THSD7A: variants seen among roughly 807,000 people sequenced by gnomAD.
THSD7A encodes thrombospondin type-1 domain-containing protein 7A.
Under a neutral mutation model 231.3 loss-of-function variants are expected in THSD7A, and 96 were observed. The observed-to-expected ratio is 0.41, with a 90% CI of 0.35 to 0.49. The LOEUF is 0.49. Among genes scored for constraint, THSD7A ranks in the 20% least tolerant of loss-of-function variants. THSD7A has a pLI of 0.05. For missense variants in THSD7A, 2,290 were observed against 2,070.2 expected, an observed-to-expected ratio of 1.11 and a Z score of -2.06; for synonymous variants, 940 against 743.3, an observed-to-expected ratio of 1.26 and a Z score of -4.30.
chr7:11,384,116 C>T (rs1219463824), intron 23 of THSD7A: 1 of 151,724 alleles, frequency 6.6e-6, no homozygotes, highest in Admixed American at 6.6e-5. Flanking sequence ...TAGTAACATA[C>T]AATTTTGTTT....
intron 6 of THSD7A, among the ~76,000 whole-genome samples, chr7:11,487,329 G>C (rs1427871920): frequency 6.6e-6 from 1 of 152,118 alleles, no homozygotes; most frequent in Admixed American, 6.6e-5. Flanking sequence ...TCAGTGGATA[G>C]TCTTTTTCCT....
intron 1 of THSD7A, among the ~76,000 whole-genome samples, chr7:11,812,553 C>T (rs994876555): frequency 1.3e-5 from 2 of 152,114 alleles, no homozygotes; most frequent in Non-Finnish European, 2.9e-5. Flanking sequence ...GATCAGTCAA[C>T]ATATCACATA....
At chr7:11,486,371 T>C (rs1346755421) in intron 6 of THSD7A, among the ~76,000 whole-genome samples, 4 of 152,242 alleles carry the variant, frequency 2.6e-5, no homozygotes, top group African/African-American at 9.6e-5. Flanking sequence ...TATACTCCTC[T>C]ATTTGGAGAA....
intron 7 of THSD7A, among the ~76,000 whole-genome samples, chr7:11,481,365 A>T (rs559375844): frequency 1.3e-5 from 2 of 152,302 alleles, no homozygotes; most frequent in East Asian, 3.9e-4. Flanking sequence ...GATTTTAAAT[A>T]AACTTTATGA....
rs972755118 is a variant in THSD7A, at chr7:11,509,679, G to A, written c.1823-27697C>T. Among the ~76,000 whole-genome samples the A allele has an allele frequency of 2.7e-4, 41 of 151,346 alleles. 1 individual carries two copies. Among genetic ancestry groups the A allele is most frequent in the African/African-American group, 9.2e-4 (38 of 41,312 alleles). ...ATTAAAAATACAAAAAAAATTAGCC[G>A]GGCGCAGTGGCGGGTGCCTGTAGTC... On this transcript the variant is annotated intron_variant, in intron 6 of 27. Transcript: ENST00000423059.
intron 2 of THSD7A, among the ~76,000 whole-genome samples, chr7:11,611,911 A>G (rs1780947259): frequency 6.6e-6 from 1 of 150,882 alleles, no homozygotes; most frequent in Non-Finnish European, 1.5e-5. Context: ...GCTCCCCTGA[A>G]AGATATGGTA....
intron 1 of THSD7A, among the ~76,000 whole-genome samples, chr7:11,720,356 C>T (rs191980622): frequency 6.6e-6 from 1 of 151,904 alleles, no homozygotes; most frequent in East Asian, 2.0e-4. Flanking sequence ...CTACAATGTA[C>T]ATTCCATATG....
At chr7:11,771,265 G>A (rs1231194586) in intron 1 of THSD7A, among the ~76,000 whole-genome samples, 2 of 151,194 alleles carry the variant, frequency 1.3e-5, no homozygotes, top group Non-Finnish European at 3.0e-5. Flanking sequence ...CTATCATGTA[G>A]GCACATCTAA....
chr7:11,382,787 A>T (rs1342313456), intron 23 of THSD7A, among the ~76,000 whole-genome samples, 171 bp from the exon 24 acceptor site: 1 of 152,068 alleles, frequency 6.6e-6, no homozygotes, highest in Non-Finnish European at 1.5e-5. Context: ...TTGCAGCTAT[A>T]TACCTCAATC....
At chr7:11,438,704 C>T (rs1176452969) in intron 13 of THSD7A, among the ~76,000 whole-genome samples, 1 of 151,934 alleles carries the variant, frequency 6.6e-6, no homozygotes, top group East Asian at 1.9e-4. Context: ...CCTACAAAAA[C>T]TGTATGTTAG....
At chr7:11,450,403 A>G (rs1785107266) in intron 11 of THSD7A, among the ~76,000 whole-genome samples, 1 of 152,010 alleles carries the variant, frequency 6.6e-6, no homozygotes, top group Non-Finnish European at 1.5e-5. Flanking sequence ...TAGACAGTGT[A>G]CTTTTGGAAT....
intron 1 of THSD7A, among the ~76,000 whole-genome samples, chr7:11,725,121 AC>A (rs1244518630): frequency 6.6e-6 from 1 of 151,976 alleles, no homozygotes; most frequent in Non-Finnish European, 1.5e-5. Context: ...ATATACATTT[AC>A]ATTTGAGTTT....
At position 11,459,665 on chromosome 7, in the gene THSD7A, ATTTTTTTTTTTT is replaced by A. The variant is rs34415355; in HGVS notation, c.2605+985_2605+996del. On this transcript the variant is annotated intron_variant, in intron 11 of 27. Coordinates refer to ENST00000423059, the MANE Select transcript of THSD7A (RefSeq NM_015204.3). ...AAAAGGAAGATTATAAAAACAGGGGATTTTTTTTTTTTTTTTTTTTTTTTTTTTTTTTTTTTA... is the reference window on the plus strand; with the variant it reads ...AAAAGGAAGATTATAAAAACAGGGGATTTTTTTTTTTTTTTTTTTTTTTTA... Among the ~76,000 whole-genome samples, 245 of 39,920 alleles carry A rather than the reference ATTTTTTTTTTTT, an allele frequency of 6.1e-3. 4 individuals are homozygous for A. Among genetic ancestry groups the A allele is most frequent in the African/African-American group, 0.013 (213 of 16,510 alleles). 26.2% of individuals were successfully genotyped at this position (39,920 alleles called of 152,430 possible).
intron 1 of THSD7A, among the ~76,000 whole-genome samples, chr7:11,755,738 G>T (rs10231554): frequency 0.016 from 2,397 of 152,056 alleles, 59 homozygotes; most frequent in African/African-American, 0.055. Context: ...CCAGGGGAAG[G>T]GTTGTTCATT....
chr7:11,821,880 T>C (rs931183485), intron 1 of THSD7A, among the ~76,000 whole-genome samples: 13 of 152,234 alleles, frequency 8.5e-5, no homozygotes, highest in African/African-American at 3.1e-4. Flanking sequence ...CCAAAGGTTA[T>C]GATTTCACAT....
chr7:11,467,874 A>G lies in THSD7A; in HGVS notation c.2368+2005T>C. On this transcript the variant is annotated intron_variant, in intron 9 of 27. Coordinates refer to ENST00000423059, the MANE Select transcript of THSD7A (RefSeq NM_015204.3). ...GTTCCTAATTCCTGGATACATTCCA[A>G]TATCCAAAATTATTTTCAAATAAAG... 1.3e-5 allele frequency among the ~76,000 whole-genome samples: 2 copies of G among 151,936 alleles called. 1 individual carries two copies. The highest frequency in any genetic ancestry group is 4.8e-5 in the African/African-American group (2 of 41,454).
intron 23 of THSD7A, among the ~76,000 whole-genome samples, chr7:11,388,593 T>G (rs1227771602): frequency 1.3e-5 from 2 of 152,236 alleles, no homozygotes; most frequent in Non-Finnish European, 2.9e-5. Context: ...TCTTCTTTCT[T>G]CGTCTGGCTA....
chr7:11,616,638 C>T (rs996026115), intron 2 of THSD7A, among the ~76,000 whole-genome samples: 55 of 152,166 alleles, frequency 3.6e-4, no homozygotes, highest in Admixed American at 3.5e-3. Flanking sequence ...AGTTCCCTTT[C>T]TTCTTGGTTC....
rs541176339 is a variant in THSD7A at position 11,537,609 on chromosome 7, AACAGTGCCATGCTTCCTGT to A, written c.1822+3791_1822+3809del. 5.4e-3 allele frequency among the ~76,000 whole-genome samples: 819 copies of A among 152,140 alleles called. 11 individuals are homozygous for A. The highest frequency in any genetic ancestry group is 0.019 in the African/African-American group (777 of 41,494). On this transcript the variant is annotated intron_variant, in intron 6 of 27. Transcript: ENST00000423059. The stretch of plus-strand genomic sequence containing the variant: ...AGGCCTTACCAGAGGCTGAACACCT[AACAGTGCCATGCTTCCTGT>A]ACAGCGCCATGCTTCCTGTACAGCC...
Sources: gnomAD v4.1 joint callset for allele counts (sites outside exome capture counted in the v4.1 genomes callset) on GRCh38, gnomAD v4.1.1 for gene constraint, MANE v1.5 for transcripts, NCBI Gene and HGNC (gene_info 2026-07-23, HGNC 2026-07-21) for gene names.